Variants in KAZN observed in about 807,000 individuals in gnomAD.
The protein encoded by KAZN is kazrin, periplakin interacting protein, also known as kazrin.
A neutral mutation model predicts 87.4 loss-of-function variants in KAZN; 40 were observed. The ratio of observed to expected loss-of-function variants is 0.46; its 90% confidence interval spans 0.36 to 0.60. The LOEUF is 0.60. Ranked by LOEUF, KAZN falls within the 20% of genes least tolerant of loss-of-function variation. KAZN has a pLI of 0.00. For missense variants in KAZN, 898 were observed against 1,073.9 expected (o/e 0.84, Z 2.29); for synonymous variants, 466 against 458.3 (o/e 1.02, Z -0.22).
chr1:14,149,083 C>CTTTCT, intron 1 of KAZN, among the ~76,000 whole-genome samples: 1 of 120,096 alleles, frequency 8.3e-6, no homozygotes, highest in Non-Finnish European at 1.7e-5. Flanking sequence ...TCCTTCCTTC[C>CTTTCT]TTCCTTCCTT....
chr1:14,132,978 G>A (rs1027371404), intron 1 of KAZN, among the ~76,000 whole-genome samples: 2 of 152,136 alleles, frequency 1.3e-5, no homozygotes, highest in South Asian at 4.1e-4. Context: ...TCACAGTAAG[G>A]ATAGATGTGC....
At chr1:14,162,035 A>G (rs1645721149) in intron 1 of KAZN, among the ~76,000 whole-genome samples, 1 of 152,250 alleles carries the variant, frequency 6.6e-6, no homozygotes, top group African/African-American at 2.4e-5. Context: ...TACAAGTTCT[A>G]AAACACCTCA....
At chr1:14,245,222 C>T (rs1571126149) in intron 2 of KAZN, among the ~76,000 whole-genome samples, 1 of 151,978 alleles carries the variant, frequency 6.6e-6, no homozygotes, top group Non-Finnish European at 1.5e-5. Context: ...ACCTCGGCCT[C>T]AGGAAAACAT....
At chr1:15,087,370 T>C (rs1050835715) in intron 8 of KAZN, among the ~76,000 whole-genome samples, 2 of 151,964 alleles carry the variant, frequency 1.3e-5, no homozygotes, top group Admixed American at 6.6e-5. Flanking sequence ...CAAACTCCAG[T>C]ATGTGTTTTA....
chr1:14,762,701 G>A (rs555862107), intron 1 of KAZN, among the ~76,000 whole-genome samples: 32 of 151,766 alleles, frequency 2.1e-4, no homozygotes, highest in Non-Finnish European at 4.4e-4. Context: ...CTCTAGCCTG[G>A]GTGACAGAGC....
intron 1 of KAZN, among the ~76,000 whole-genome samples, chr1:14,786,734 C>T (rs1645520433): frequency 7.9e-5 from 12 of 152,166 alleles, no homozygotes; most frequent in Admixed American, 7.9e-4. Flanking sequence ...ACAATTTGCA[C>T]ACCCTGTAAT....
intron 2 of KAZN, among the ~76,000 whole-genome samples, chr1:14,263,487 A>T (rs1651238533): frequency 6.6e-6 from 1 of 152,124 alleles, no homozygotes; most frequent in African/African-American, 2.4e-5. Context: ...GTCTAATTTC[A>T]TTCTCTCTAA....
At chr1:14,417,043 TTAACCAGGTG>T (rs1664846646) in intron 2 of KAZN, among the ~76,000 whole-genome samples, 1 of 137,680 alleles carries the variant, frequency 7.3e-6, no homozygotes, top group Admixed American at 7.4e-5. Flanking sequence ...CACACACACG[TTAACCAGGTG>T]TAGTGGCATG....
chr1:14,088,721 T>G (rs1643907043), intron 1 of KAZN, among the ~76,000 whole-genome samples: 1 of 152,012 alleles, frequency 6.6e-6, no homozygotes, highest in South Asian at 2.1e-4. Context: ...TATCAATTAT[T>G]GAGAGAAGAA....
chr1:14,077,621 G>T (rs540802665), intron 1 of KAZN, among the ~76,000 whole-genome samples: 1 of 152,286 alleles, frequency 6.6e-6, no homozygotes, highest in South Asian at 2.1e-4. Flanking sequence ...AGAGAAAAAA[G>T]AAACCAAAAG....
At chr1:14,897,602 A>C (rs962597662) in intron 1 of KAZN, among the ~76,000 whole-genome samples, 2 of 142,496 alleles carry the variant, frequency 1.4e-5, no homozygotes, top group African/African-American at 5.0e-5. Context: ...TATTTTATGA[A>C]TAATAATGAT....
chr1:14,591,837 C>A (rs1676222030), intron 2 of KAZN, among the ~76,000 whole-genome samples: 1 of 152,172 alleles, frequency 6.6e-6, no homozygotes, highest in Non-Finnish European at 1.5e-5. Flanking sequence ...GTTTCATCAA[C>A]ACTGAACGCA....
chr1:14,749,689 C>T (rs1406705263), intron 1 of KAZN, among the ~76,000 whole-genome samples: 2 of 152,122 alleles, frequency 1.3e-5, no homozygotes. Flanking sequence ...AGGACCTGTG[C>T]GTCCTCACAC....
At chr1:14,262,824 C>T (rs557292516) in intron 2 of KAZN, among the ~76,000 whole-genome samples, 11 of 152,254 alleles carry the variant, frequency 7.2e-5, no homozygotes, top group African/African-American at 2.2e-4. Flanking sequence ...ATGAAATCTC[C>T]GGCAACACCA....
chr1:14,489,112 G>A (rs911729460), intron 2 of KAZN, among the ~76,000 whole-genome samples: 8 of 151,984 alleles, frequency 5.3e-5, no homozygotes, highest in African/African-American at 1.2e-4. Flanking sequence ...TGTTGTTTTC[G>A]TCTTTTTAAA....
intron 2 of KAZN, among the ~76,000 whole-genome samples, chr1:14,435,918 C>A (rs565330574): frequency 9.9e-5 from 15 of 152,012 alleles, no homozygotes; most frequent in African/African-American, 3.6e-4. Context: ...CTATGTGGAG[C>A]GTTACTGTGT....
intron 2 of KAZN, among the ~76,000 whole-genome samples, chr1:14,264,500 T>C (rs574486745): frequency 2.2e-4 from 33 of 152,288 alleles, no homozygotes; most frequent in Non-Finnish European, 2.4e-4. Flanking sequence ...CAGAAGTGGG[T>C]TAGTTATCAA....
At chr1:14,831,754 T>C (rs1214127076) in intron 1 of KAZN, among the ~76,000 whole-genome samples, 1 of 152,186 alleles carries the variant, frequency 6.6e-6, no homozygotes, top group Admixed American at 6.5e-5. Context: ...GACAAGCGAC[T>C]GTGCTGAGGC....
chr1:14,091,693 A>G (rs979947149), intron 1 of KAZN, among the ~76,000 whole-genome samples: 1 of 152,166 alleles, frequency 6.6e-6, no homozygotes, highest in African/African-American at 2.4e-5. Context: ...TTGGGGGCCT[A>G]TGGGTTTGTT....
Sources: allele counts gnomAD v4.1 joint callset (sites outside exome capture counted in the v4.1 genomes callset), GRCh38; gene constraint gnomAD v4.1.1; transcripts MANE v1.5; gene names NCBI Gene and HGNC (gene_info 2026-07-23, HGNC 2026-07-21).